Variants in NRXN3 observed in about 807,000 individuals in gnomAD.
The protein encoded by NRXN3 is neurexin III.
In NRXN3, 32 loss-of-function variants were observed where a neutral mutation model predicts 137.6. The ratio of observed to expected loss-of-function variants is 0.23; its 90% CI spans 0.18 to 0.31. The LOEUF (loss-of-function observed/expected upper bound fraction) is 0.31, where lower values mean the gene tolerates loss of function less well. Ranked by LOEUF, NRXN3 falls within the 10% of genes least tolerant of loss-of-function variation. The pLI is 1.00. For synonymous variants in NRXN3, 798 were observed against 784.5 expected, an observed-to-expected ratio of 1.02 and a Z score of -0.29; for missense variants, 1,574 against 2,062.5, an observed-to-expected ratio of 0.76 and a Z score of 4.59.
intron 15 of NRXN3, among the ~76,000 whole-genome samples, chr14:79,396,031 A>C (rs1007021771): frequency 2.0e-5 from 3 of 152,194 alleles, no homozygotes; most frequent in African/African-American, 7.2e-5. Flanking sequence ...GCACATATAT[A>C]CTATATATAC....
At chr14:78,954,548 TCTGCCTCCCTGGTTCACTCCATTCTC>T (rs927344196) in intron 10 of NRXN3, among the ~76,000 whole-genome samples, 11 of 152,094 alleles carry the variant, frequency 7.2e-5, no homozygotes, top group African/African-American at 2.2e-4. Context: ...CACTGCAACC[TCTGCCTCCCTGGTTCACTCCATTCTC>T]CTGCCTCAGT....
chr14:78,314,304 G>A (rs1242637136), intron 4 of NRXN3, among the ~76,000 whole-genome samples: 2 of 152,120 alleles, frequency 1.3e-5, no homozygotes, highest in Admixed American at 1.3e-4. Flanking sequence ...TATTACTCAG[G>A]GCAGGCTAAC....
chr14:78,314,927 CTTTCTTTCTTT>C, intron 4 of NRXN3, among the ~76,000 whole-genome samples: 82 of 119,242 alleles, frequency 6.9e-4, no homozygotes, highest in African/African-American at 2.7e-3. Flanking sequence ...TTCTTTCTTT[CTTTCTTTCTTT>C]CTTTCTTCCT....
intron 16 of NRXN3, among the ~76,000 whole-genome samples, chr14:79,603,258 G>C (rs140621252): frequency 0.02 from 3,016 of 152,260 alleles, 53 homozygotes; most frequent in South Asian, 0.037. Flanking sequence ...GAGGGAAAGG[G>C]ACAAAGCAAG....
At chr14:79,314,826 G>T (rs1009202834) in intron 15 of NRXN3, among the ~76,000 whole-genome samples, 15 of 148,612 alleles carry the variant, frequency 1.0e-4, no homozygotes, top group Non-Finnish European at 1.9e-4. Flanking sequence ...ACACGGCAGG[G>T]TATTCCAACA....
chr14:79,227,140 AAT>A (rs200878621), intron 15 of NRXN3, among the ~76,000 whole-genome samples: 2,478 of 151,704 alleles, frequency 0.016, 35 homozygotes, highest in South Asian at 0.033. Flanking sequence ...AAAATGAAAA[AAT>A]ATATATATAT....
intron 15 of NRXN3, among the ~76,000 whole-genome samples, chr14:79,139,860 C>T (rs1416741971): frequency 6.6e-6 from 1 of 151,376 alleles, no homozygotes; most frequent in Non-Finnish European, 1.5e-5. Context: ...GCCAGGATCA[C>T]ATGCTCAAAG....
chr14:78,196,791 A>T (rs1054088728), intron 1 of NRXN3, among the ~76,000 whole-genome samples: 1 of 152,216 alleles, frequency 6.6e-6, no homozygotes, highest in East Asian at 1.9e-4. Context: ...GGTCCATCTT[A>T]GTTACACGGG....
intron 16 of NRXN3, among the ~76,000 whole-genome samples, chr14:79,481,810 G>T (rs993872308): frequency 1.3e-5 from 2 of 152,082 alleles, no homozygotes; most frequent in Non-Finnish European, 2.9e-5. Context: ...GCAGGTAGGG[G>T]TCTGGGGGAT....
intron 4 of NRXN3, among the ~76,000 whole-genome samples, chr14:78,409,221 A>G (rs1220121269): frequency 4.6e-5 from 7 of 152,244 alleles, no homozygotes; most frequent in African/African-American, 7.2e-5. Context: ...GTACTAGCGT[A>G]GATGGTGGTT....
intron 16 of NRXN3, among the ~76,000 whole-genome samples, chr14:79,660,769 A>G (rs1056827137): frequency 2.6e-5 from 4 of 152,124 alleles, no homozygotes; most frequent in African/African-American, 9.7e-5. Context: ...CTTTCCATGC[A>G]TCCAGGATTT....
chr14:78,347,717 G>A (rs778793925), intron 4 of NRXN3, among the ~76,000 whole-genome samples: 6 of 152,126 alleles, frequency 3.9e-5, no homozygotes, highest in African/African-American at 7.2e-5. Flanking sequence ...TCTCTGTGAC[G>A]TTGGGAACAG....
intron 15 of NRXN3, among the ~76,000 whole-genome samples, chr14:79,332,403 A>T (rs1340866901): frequency 6.6e-6 from 1 of 152,170 alleles, no homozygotes; most frequent in African/African-American, 2.4e-5. Context: ...ATGCACCGGT[A>T]GTTCCAGTCC....
chr14:79,126,309 A>G lies in NRXN3; in HGVS notation c.3262+138168A>G, dbSNP rs527243608. 2.6e-3 allele frequency among the ~76,000 whole-genome samples: 401 copies of G among 151,622 alleles called. 2 individuals carry two copies. The highest frequency in any genetic ancestry group is 6.8e-3 in the Middle Eastern group (2 of 294). On this transcript the variant is annotated intron_variant, in intron 15 of 20. Coordinates refer to ENST00000335750, the MANE Select transcript of NRXN3 (RefSeq NM_001330195.2). ...CATCTAGCATTAGGTATATCTCCCA[A>G]TGCTATCCCTCCCCCCCGCCCCACC...
intron 15 of NRXN3, among the ~76,000 whole-genome samples, chr14:79,051,036 A>T (rs1454695142): frequency 6.6e-6 from 1 of 152,196 alleles, no homozygotes; most frequent in African/African-American, 2.4e-5. Context: ...TACTATTGTT[A>T]TCCTCATTTT....
chr14:79,234,225 A>G (rs555929335), intron 15 of NRXN3, among the ~76,000 whole-genome samples: 1 of 146,560 alleles, frequency 6.8e-6, no homozygotes, highest in African/African-American at 2.5e-5. Flanking sequence ...CCCAAAATAC[A>G]TTCCCTTAAA....
At chr14:79,351,031 G>A (rs1174305955) in intron 15 of NRXN3, among the ~76,000 whole-genome samples, 2 of 152,134 alleles carry the variant, frequency 1.3e-5, no homozygotes, top group Non-Finnish European at 2.9e-5. Context: ...ACACATAGCA[G>A]TATATGCTAG....
intron 10 of NRXN3, among the ~76,000 whole-genome samples, chr14:78,859,747 C>T (rs1272774501): frequency 6.6e-6 from 1 of 152,046 alleles, no homozygotes. Context: ...TCAGTAAGTG[C>T]CTGTTTACTG....
intron 8 of NRXN3, among the ~76,000 whole-genome samples, chr14:78,762,700 C>A (rs549493834): frequency 1.3e-5 from 2 of 152,092 alleles, no homozygotes; most frequent in Non-Finnish European, 2.9e-5. Context: ...ATACTGTTTA[C>A]CCAAAAAGGA....
Sources: allele counts gnomAD v4.1 joint callset (sites outside exome capture counted in the v4.1 genomes callset), GRCh38; gene constraint gnomAD v4.1.1; transcripts MANE v1.5; gene names NCBI Gene and HGNC (gene_info 2026-07-23, HGNC 2026-07-21).